Variants in USP25 observed in about 807,000 individuals in gnomAD.
USP25 encodes the protein ubiquitin carboxyl-terminal hydrolase 25.
In USP25, 85 loss-of-function variants were observed where a neutral mutation model predicts 158.5. The ratio of observed to expected loss-of-function variants is 0.54; its 90% CI spans 0.45 to 0.64. The LOEUF (loss-of-function observed/expected upper bound fraction) is 0.64. Ranked by LOEUF, USP25 falls within the 30% of genes least tolerant of loss-of-function variation. The probability of loss-of-function intolerance (pLI) is 0.00; values close to 1 mark genes in which losing one functional copy is unlikely to be tolerated. For synonymous variants in USP25, 464 were observed against 460.4 expected (o/e 1.01, Z -0.10); for missense variants, 1,242 against 1,327.3 (o/e 0.94, Z 1.00).
chr21:15,859,982 T>G (rs1446766604), intron 20 of USP25, among the ~76,000 whole-genome samples: 1 of 143,920 alleles, frequency 6.9e-6, no homozygotes. Context: ...TATATATATA[T>G]ATATCTATAT....
At chr21:15,787,901 C>G (rs980341320) in intron 4 of USP25, among the ~76,000 whole-genome samples, 2 of 99,620 alleles carry the variant, frequency 2.0e-5, no homozygotes, top group African/African-American at 5.0e-5. Flanking sequence ...AACACCCCCT[C>G]ACCCCCCCCC....
In USP25 at chr21:15,730,261, G is replaced by C. The variant is rs1568732775; in HGVS notation, c.-133G>C. On this transcript the variant is annotated 5_prime_UTR_variant, in exon 1 of 26. Coordinates refer to ENST00000400183, the MANE Select transcript of USP25 (RefSeq NM_001283041.3). ...CCGGCCGCCATCGCCTTCGCGCCTGGCTGGCGGGGGCGCTGTCCTCCCAGG... is the reference window on the plus strand; with the variant it reads ...CCGGCCGCCATCGCCTTCGCGCCTGCCTGGCGGGGGCGCTGTCCTCCCAGG... 1 of 943,314 alleles carries C rather than the reference G, an allele frequency of 1.1e-6. No individual in the cohort carries two copies. Among genetic ancestry groups the C allele is most frequent in the Non-Finnish European group, 1.3e-6 (1 of 791,672 alleles). The allele number at this position is 943,314 out of a possible 1,614,324, so 58.4% of individuals were successfully genotyped here. A position where few individuals can be genotyped will look rare whatever the true frequency, so the allele number is the denominator to read the frequency against.
intron 20 of USP25, among the ~76,000 whole-genome samples, chr21:15,862,890 T>A (rs2039492401): frequency 6.6e-6 from 1 of 152,046 alleles, no homozygotes; most frequent in African/African-American, 2.4e-5. Context: ...ACTAGAATAT[T>A]TCATTTAATG....
At chr21:15,750,832 T>G (rs902106715) in intron 1 of USP25, among the ~76,000 whole-genome samples, 3 of 148,264 alleles carry the variant, frequency 2.0e-5, no homozygotes, top group African/African-American at 7.8e-5. Context: ...GGTCTCAATC[T>G]CCTGACCTTG....
chr21:15,862,461 CATT>C (rs2146546421), intron 20 of USP25, among the ~76,000 whole-genome samples: 1 of 152,074 alleles, frequency 6.6e-6, no homozygotes, highest in Admixed American at 6.5e-5. Context: ...CTGTGACAAT[CATT>C]ATCGAAGGTT....
rs945526247 is a variant in USP25, at chr21:15,875,407, A to G, written c.3009+881A>G. On this transcript the variant is annotated intron_variant, in intron 24 of 25. Transcript: ENST00000400183. This position sits in a 1 kb window ranked among gnomAD's most constrained non-coding sequence, Gnocchi z 4.7. ...ATAGGAATTGAAATGAAACCTCGTCAAGATTACTTTAGTGTTCCTTTCAGA... is the reference window on the plus strand; with the variant it reads ...ATAGGAATTGAAATGAAACCTCGTCGAGATTACTTTAGTGTTCCTTTCAGA... Among the ~76,000 whole-genome samples the G allele has an allele frequency of 3.3e-5, 5 of 152,152 alleles. No individual in the cohort carries two copies. Among genetic ancestry groups the G allele is most frequent in the Admixed American group, 6.5e-5 (1 of 15,276 alleles).
At chr21:15,856,716 CTG>C (rs2039165300) in intron 20 of USP25, among the ~76,000 whole-genome samples, 1 of 152,216 alleles carries the variant, frequency 6.6e-6, no homozygotes, top group African/African-American at 2.4e-5. Flanking sequence ...CGTGATCCGC[CTG>C]CCTCGGCCTC....
intron 1 of USP25, among the ~76,000 whole-genome samples, chr21:15,734,896 G>A (rs141062780): frequency 7.1e-4 from 108 of 152,112 alleles, no homozygotes; most frequent in South Asian, 1.7e-3. Flanking sequence ...TATATAATCC[G>A]TGTAAGGCGC....
intron 16 of USP25, 131 bp from the exon 17 acceptor site, chr21:15,833,217 C>A: frequency 1.2e-6 from 1 of 805,858 alleles, no homozygotes; most frequent in South Asian, 2.2e-5. Flanking sequence ...AATAGTAATT[C>A]TTAAGTAATA....
rs529619866 is a variant in USP25, at chr21:15,763,791, G to A, written c.123+823G>A. 3.9e-5 allele frequency among the ~76,000 whole-genome samples: 6 copies of A among 152,192 alleles called. No individual in the cohort carries two copies. The East Asian group carries it at 5.8e-4, about 15-fold the overall frequency. ...AGTCATTATAACAATAAGTAGTACC[G>A]ATTAAACATTTAGTACTACCAGGCA... is the stretch of plus-strand genomic sequence containing the variant. On this transcript the variant is annotated intron_variant, in intron 2 of 25. Transcript: ENST00000400183.
At chr21:15,828,989 G>T (rs1399818262) in intron 14 of USP25, among the ~76,000 whole-genome samples, 1 of 151,908 alleles carries the variant, frequency 6.6e-6, no homozygotes, top group Non-Finnish European at 1.5e-5. Context: ...TTTTCCTCAG[G>T]ATATTTTTTT....
chr21:15,827,525 A>G (rs538276393), intron 14 of USP25, among the ~76,000 whole-genome samples: 8 of 152,326 alleles, frequency 5.3e-5, no homozygotes, highest in Admixed American at 1.3e-4. Flanking sequence ...TACAATATCA[A>G]TGTTTGTACA....
intron 1 of USP25, among the ~76,000 whole-genome samples, chr21:15,760,218 A>T (rs1049279967): frequency 2.0e-5 from 3 of 152,214 alleles, no homozygotes; most frequent in Admixed American, 6.5e-5. Context: ...GGCTTTTGTA[A>T]GTGGAAGTTT....
At position 15,874,427 on chromosome 21, in the gene USP25, C is replaced by T. The variant is rs2040018205; in HGVS notation, c.2910C>T (p.Leu970=). ...GTTATATAGATTCCTTGCTGTTCCT[C>T]ATCTGTGCTTATCAGAATAACAAAG... The part of the protein sequence containing the change: ...RESYIDSLLF[L]ICAYQNNKEL... Residue 970 remains leucine, a synonymous_variant, in exon 24 of 26, where the codon CTC becomes CTT. Coordinates refer to ENST00000400183, the MANE Select transcript of USP25 (RefSeq NM_001283041.3). 1.9e-6 allele frequency: 3 copies of T among 1,608,944 alleles called. No homozygotes were observed. Among genetic ancestry groups the T allele is most frequent in the Non-Finnish European group, 2.5e-6 (3 of 1,177,006 alleles).
chr21:15,826,162 G>A lies in USP25; in HGVS notation c.1305-42G>A, dbSNP rs764466737. ...ATAATAATAAAGGCCCAAATATGCT[G>A]TATATAGAAATAAAAGCATTTGTAC... On this transcript the variant is annotated intron_variant, in intron 12 of 25. Coordinates refer to ENST00000400183, the MANE Select transcript of USP25 (RefSeq NM_001283041.3). The surrounding 1 kb of genome is among the most constrained non-coding windows in gnomAD (Gnocchi z 4.8). 6.3e-7 allele frequency: 1 copy of A among 1,595,324 alleles called. No homozygotes were observed. Among genetic ancestry groups the A allele is most frequent in the Non-Finnish European group, 8.6e-7 (1 of 1,165,790 alleles).
chr21:15,878,273 T>C (rs1420341775), intron 25 of USP25, 30 bp from the exon 26 acceptor site: 1 of 1,593,796 alleles, frequency 6.3e-7, no homozygotes, highest in Non-Finnish European at 8.6e-7. Flanking sequence ...ATTTCTATCT[T>C]TAGTTAGATT....
At chr21:15,815,052 T>C (rs2036866098) in intron 9 of USP25, among the ~76,000 whole-genome samples, 1 of 152,150 alleles carries the variant, frequency 6.6e-6, no homozygotes, top group African/African-American at 2.4e-5. Flanking sequence ...AGGAACTTGG[T>C]GCCCTGTGTC....
At chr21:15,835,741 G>A (rs969498425) in intron 17 of USP25, among the ~76,000 whole-genome samples, 2 of 152,154 alleles carry the variant, frequency 1.3e-5, no homozygotes, top group Non-Finnish European at 2.9e-5. Context: ...TACTACTTCT[G>A]TAGGAAACAT....
At chr21:15,787,067 C>G (rs1206646255) in intron 4 of USP25, among the ~76,000 whole-genome samples, 1 of 151,838 alleles carries the variant, frequency 6.6e-6, no homozygotes, top group East Asian at 1.9e-4. Context: ...GATAAAAGAT[C>G]TCTACACTGA....
Sources: gnomAD v4.1 joint callset for allele counts (sites outside exome capture counted in the v4.1 genomes callset) on GRCh38, gnomAD v4.1.1 for gene constraint, Gnocchi (gnomAD v3.1) non-coding constraint, MANE v1.5 for transcripts, NCBI Gene and HGNC (gene_info 2026-07-23, HGNC 2026-07-21) for gene names.